SGPP2: variants seen among roughly 807,000 people sequenced by gnomAD.
The protein encoded by SGPP2 is sphingosine 1-phosphate phosphohydrolase 2.
SGPP2 carries 30 observed loss-of-function variants against 33.9 expected under a neutral mutation model. That is an observed-to-expected ratio of 0.89 (90% CI 0.66 to 1.20). SGPP2 has a LOEUF of 1.20. Ranked by LOEUF, SGPP2 falls within the 50% of genes most tolerant of loss-of-function variation. The pLI is 0.00. For missense variants in SGPP2, 458 were observed against 532.1 expected (o/e 0.86, Z 1.37); for synonymous variants, 233 against 225.0 (o/e 1.04, Z -0.32).
chr2:222,427,032 A>T (rs1472448847), intron 1 of SGPP2, among the ~76,000 whole-genome samples: 2 of 152,074 alleles, frequency 1.3e-5, no homozygotes, highest in Non-Finnish European at 2.9e-5. Flanking sequence ...CCCCTGCTAT[A>T]GTTTTTCTTT....
chr2:222,546,216 TCATGTGCA>T (rs1304658885), intron 4 of SGPP2, among the ~76,000 whole-genome samples: 1 of 152,206 alleles, frequency 6.6e-6, no homozygotes, highest in Non-Finnish European at 1.5e-5. Flanking sequence ...TAAAATTAAT[TCATGTGCA>T]TAGGCCTGTG....
At chr2:222,478,788 G>C (rs1697988155) in intron 2 of SGPP2, among the ~76,000 whole-genome samples, 1 of 111,490 alleles carries the variant, frequency 9.0e-6, no homozygotes, top group Non-Finnish European at 1.7e-5. Context: ...TAGCTTAGCA[G>C]AATTTATGGT....
At chr2:222,458,658 C>A (rs766585392) in intron 1 of SGPP2, among the ~76,000 whole-genome samples, 1 of 152,094 alleles carries the variant, frequency 6.6e-6, no homozygotes, top group Non-Finnish European at 1.5e-5. Context: ...AGTTCACATG[C>A]CATGCAATTT....
At chr2:222,519,542 G>A (rs1181934317) in intron 2 of SGPP2, among the ~76,000 whole-genome samples, 1 of 152,162 alleles carries the variant, frequency 6.6e-6, no homozygotes, top group Non-Finnish European at 1.5e-5. Flanking sequence ...AGAGGGTATG[G>A]ACATCCAATT....
At chr2:222,464,761 G>A (rs1043455479) in intron 1 of SGPP2, among the ~76,000 whole-genome samples, 9 of 152,310 alleles carry the variant, frequency 5.9e-5, no homozygotes, top group African/African-American at 2.2e-4. Flanking sequence ...GGGATTACAG[G>A]TATGAGCTAC....
chr2:222,557,256 T>C (rs567514762), intron 4 of SGPP2, among the ~76,000 whole-genome samples: 208 of 152,296 alleles, frequency 1.4e-3, no homozygotes, highest in Non-Finnish European at 2.2e-3. Flanking sequence ...GGGGATGGTG[T>C]ATGTTTGGTT....
chr2:222,444,068 A>G (rs1697363849), intron 1 of SGPP2, among the ~76,000 whole-genome samples: 1 of 152,240 alleles, frequency 6.6e-6, no homozygotes, highest in African/African-American at 2.4e-5. Context: ...TGTTGCTGCT[A>G]CTACTGCTAA....
intron 1 of SGPP2, 65 bp downstream of exon 1, chr2:222,424,886 G>A: frequency 6.6e-6 from 8 of 1,214,046 alleles, no homozygotes; most frequent in Non-Finnish European, 8.4e-6. Context: ...GGGTCCCTGC[G>A]ACTCCGCCAC....
At chr2:222,484,868 A>ATT (rs1698080682) in intron 2 of SGPP2, among the ~76,000 whole-genome samples, 1 of 152,204 alleles carries the variant, frequency 6.6e-6, no homozygotes, top group Non-Finnish European at 1.5e-5. Context: ...ACCATGGAGG[A>ATT]CTTTCAGATA....
intron 3 of SGPP2, 40 bp from the exon 4 acceptor site, chr2:222,524,904 G>T (rs1356070161): frequency 6.8e-7 from 1 of 1,478,436 alleles, no homozygotes; most frequent in South Asian, 1.1e-5. Flanking sequence ...GTATGTCTGA[G>T]TGTGATCTAA....
intron 2 of SGPP2, among the ~76,000 whole-genome samples, chr2:222,485,665 A>C (rs1018623916): frequency 6.6e-6 from 1 of 152,092 alleles, no homozygotes; most frequent in Non-Finnish European, 1.5e-5. Flanking sequence ...TTTTCTTGTC[A>C]ATTCCTCCCC....
intron 1 of SGPP2, among the ~76,000 whole-genome samples, chr2:222,443,000 AT>A (rs1169947958): frequency 2.6e-5 from 4 of 152,196 alleles, no homozygotes; most frequent in African/African-American, 9.7e-5. Context: ...CTCCGAAGTA[AT>A]TGTCACATTT....
At chr2:222,528,871 C>T (rs1698798632) in intron 4 of SGPP2, among the ~76,000 whole-genome samples, 1 of 152,220 alleles carries the variant, frequency 6.6e-6, no homozygotes, top group African/African-American at 2.4e-5. Flanking sequence ...ACCACCTCAG[C>T]CTCCCAAAGT....
At chr2:222,429,489 T>C (rs868649512) in intron 1 of SGPP2, among the ~76,000 whole-genome samples, 1 of 152,220 alleles carries the variant, frequency 6.6e-6, no homozygotes, top group Non-Finnish European at 1.5e-5. Context: ...GTTACAGATA[T>C]CATCATTGTT....
intron 1 of SGPP2, among the ~76,000 whole-genome samples, chr2:222,450,674 C>T (rs897972126): frequency 7.2e-5 from 11 of 152,182 alleles, no homozygotes; most frequent in Middle Eastern, 3.2e-3. Flanking sequence ...AGCTGGCAGA[C>T]GACCTAATGG....
chr2:222,494,801 T>TC (rs879423529), intron 2 of SGPP2, among the ~76,000 whole-genome samples: 4 of 152,206 alleles, frequency 2.6e-5, no homozygotes, highest in Non-Finnish European at 4.4e-5. Flanking sequence ...CTCTCTTTTT[T>TC]CCCCCCTCTT....
At chr2:222,426,862 G>T (rs1024413719) in intron 1 of SGPP2, among the ~76,000 whole-genome samples, 5 of 152,172 alleles carry the variant, frequency 3.3e-5, no homozygotes, top group Non-Finnish European at 7.3e-5. Context: ...ACTTTAAGGG[G>T]GCAGTTGTGA....
intron 2 of SGPP2, among the ~76,000 whole-genome samples, chr2:222,510,599 G>GA (rs1698512222): frequency 6.6e-6 from 1 of 152,036 alleles, no homozygotes; most frequent in Non-Finnish European, 1.5e-5. Flanking sequence ...CCAAGGGAAG[G>GA]AAAAAAGATA....
intron 2 of SGPP2, among the ~76,000 whole-genome samples, chr2:222,488,149 G>C (rs1698140709): frequency 6.6e-6 from 1 of 152,184 alleles, no homozygotes; most frequent in South Asian, 2.1e-4. Flanking sequence ...AACTGACTGG[G>C]TTGGTTTCTA....
Sources: gnomAD v4.1 joint callset for allele counts (sites outside exome capture counted in the v4.1 genomes callset) on GRCh38, gnomAD v4.1.1 for gene constraint, MANE v1.5 for transcripts, NCBI Gene and HGNC (gene_info 2026-07-23, HGNC 2026-07-21) for gene names.